KCNH8: variants seen among roughly 807,000 people sequenced by gnomAD.
KCNH8 encodes the protein potassium voltage-gated channel subfamily H member 8, also known as voltage-gated delayed rectifier potassium channel KCNH8.
In KCNH8, 70 loss-of-function variants were observed where a neutral mutation model predicts 103.6. The ratio of observed to expected loss-of-function variants is 0.68; its 90% CI spans 0.56 to 0.82. The LOEUF is 0.82. KCNH8 is among the 40% of genes least tolerant of loss of function. The probability of loss-of-function intolerance (pLI) is 0.00; values close to 1 mark genes in which losing one functional copy is unlikely to be tolerated. For synonymous variants in KCNH8, 498 were observed against 489.4 expected (o/e 1.02, Z -0.23); for missense variants, 1,217 against 1,329.9 (o/e 0.92, Z 1.32).
rs749109753 is a variant in KCNH8, at chr3:19,451,215, A to C, written c.1636A>C (p.Ile546Leu). 1.9e-6 allele frequency: 3 copies of C among 1,613,796 alleles called. No individual in the cohort carries two copies. The highest frequency in any genetic ancestry group is 2.5e-6 in the Non-Finnish European group (3 of 1,179,788). ...CATCACTATGCACTTGAACAAGGAG[A>C]TCTTACAGTTGTCCCTTTTTGAATG... Reference protein sequence around the residue: ...SDITMHLNKEILQLSLFECAS... With the variant: ...SDITMHLNKELLQLSLFECAS... The change falls in exon 10 of 16, where the codon ATC (isoleucine) becomes CTC (leucine). Residue 546 changes from isoleucine to leucine, a missense_variant. This residue lies in a region of KCNH8 where 415 missense variants were observed against 577.4 expected (regional missense o/e 0.72). Coordinates refer to ENST00000328405, the MANE Select transcript of KCNH8 (RefSeq NM_144633.3).
At chr3:19,511,783 AT>A (rs1413187821) in intron 12 of KCNH8, among the ~76,000 whole-genome samples, 1 of 152,180 alleles carries the variant, frequency 6.6e-6, no homozygotes, top group Non-Finnish European at 1.5e-5. Context: ...AGCCAATAAG[AT>A]TAAAGTACAA....
At chr3:19,340,394 ACAT>A (rs2065645300) in intron 3 of KCNH8, among the ~76,000 whole-genome samples, 2 of 148,284 alleles carry the variant, frequency 1.3e-5, no homozygotes, top group South Asian at 4.2e-4. Context: ...GTTTTAGGGT[ACAT>A]GTGCACATTG....
chr3:19,521,725 AATG>A (rs1417902260), intron 15 of KCNH8, among the ~76,000 whole-genome samples: 5 of 152,004 alleles, frequency 3.3e-5, no homozygotes, highest in African/African-American at 9.7e-5. Context: ...ATGGCAGATT[AATG>A]ATATTTCAAA....
intron 1 of KCNH8, among the ~76,000 whole-genome samples, chr3:19,215,582 T>A (rs1404557992): frequency 6.6e-6 from 1 of 152,232 alleles, no homozygotes; most frequent in Non-Finnish European, 1.5e-5. Flanking sequence ...ATGTTTTGAT[T>A]TTGTGGTTTG....
At chr3:19,301,387 A>G (rs555095843) in intron 3 of KCNH8, among the ~76,000 whole-genome samples, 2 of 149,074 alleles carry the variant, frequency 1.3e-5, no homozygotes, top group East Asian at 3.9e-4. Context: ...ATTTATTTAC[A>G]TGAATATAAA....
chr3:19,423,542 T>A (rs1230118109), intron 7 of KCNH8, among the ~76,000 whole-genome samples: 1 of 152,108 alleles, frequency 6.6e-6, no homozygotes, highest in Non-Finnish European at 1.5e-5. Context: ...TTTCCATTCC[T>A]GAGTTACTTC....
chr3:19,368,012 A>G (rs1383125228), intron 5 of KCNH8, among the ~76,000 whole-genome samples: 1 of 152,098 alleles, frequency 6.6e-6, no homozygotes, highest in Non-Finnish European at 1.5e-5. Flanking sequence ...ACTTATGACC[A>G]TACAGAGGAC....
At position 19,513,026 on chromosome 3, in the gene KCNH8, T is replaced by C. The variant is rs1559366119; in HGVS notation, c.2136T>C (p.Asp712=). The change falls in exon 13 of 16, where the codon GAT becomes GAC. Residue 712 remains aspartate (D), a synonymous_variant. Coordinates refer to ENST00000328405, the MANE Select transcript of KCNH8 (RefSeq NM_144633.3). ...INKRLPSIVE[D]EEEEEEGEEE... is the part of the protein sequence containing the mutation. ...AGCGACTCCCATCCATTGTGGAAGA[T>C]GAGGAAGAGGAGGAGGAGGGGGAGG... is the stretch of plus-strand genomic sequence containing the variant. The C allele has an allele frequency of 1.9e-6, 3 of 1,613,494 alleles. No individual in the cohort carries two copies. In the South Asian group the frequency reaches 3.3e-5, roughly 18 times the overall value.
chr3:19,298,046 A>G (rs760620537), intron 3 of KCNH8, among the ~76,000 whole-genome samples: 1 of 152,204 alleles, frequency 6.6e-6, no homozygotes, highest in Non-Finnish European at 1.5e-5. Context: ...TCACCATTGG[A>G]GTCAAAATAT....
At chr3:19,403,549 CAGGTATA>C (rs1291106807) in intron 7 of KCNH8, among the ~76,000 whole-genome samples, 1 of 150,682 alleles carries the variant, frequency 6.6e-6, no homozygotes, top group African/African-American at 2.4e-5. Context: ...ACTACCCATA[CAGGTATA>C]AGGTATAAGG....
Position 19,357,349 on chromosome 3 carries a change from A to G in KCNH8, c.811+9384A>G, listed in dbSNP as rs367885823. Among the ~76,000 whole-genome samples the G allele has an allele frequency of 1.5e-4, 23 of 152,006 alleles. 1 individual carries two copies. The South Asian group carries it at 1.7e-3, about 11-fold the overall frequency. ...ATCATTCAGAGAGATATGGCAAAGA[A>G]AATGTGGATGGCCAAGCAGAAAGCT... On this transcript the variant is annotated intron_variant, in intron 5 of 15. Transcript: ENST00000328405.
intron 5 of KCNH8, among the ~76,000 whole-genome samples, chr3:19,353,280 T>A (rs947549523): frequency 8.0e-4 from 122 of 152,274 alleles, no homozygotes; most frequent in African/African-American, 2.9e-3. Flanking sequence ...ACAGATGGAT[T>A]CACAGCCGAA....
At chr3:19,399,388 A>G (rs977650467) in intron 7 of KCNH8, among the ~76,000 whole-genome samples, 4 of 151,962 alleles carry the variant, frequency 2.6e-5, no homozygotes, top group Non-Finnish European at 4.4e-5. Context: ...TTTAGCTACT[A>G]TCACTTCTAA....
intron 11 of KCNH8, among the ~76,000 whole-genome samples, chr3:19,483,338 T>A (rs1427878083): frequency 1.3e-5 from 2 of 152,154 alleles, no homozygotes; most frequent in Non-Finnish European, 2.9e-5. Context: ...CCAGTGACTG[T>A]TTTCGTGTTA....
At chr3:19,416,022 A>C (rs1402307195) in intron 7 of KCNH8, among the ~76,000 whole-genome samples, 1 of 152,024 alleles carries the variant, frequency 6.6e-6, no homozygotes, top group Non-Finnish European at 1.5e-5. Flanking sequence ...ATTAACTTGC[A>C]GGTTATCTTC....
At chr3:19,436,509 T>C (rs533609129) in intron 7 of KCNH8, among the ~76,000 whole-genome samples, 1 of 152,226 alleles carries the variant, frequency 6.6e-6, no homozygotes, top group Non-Finnish European at 1.5e-5. Flanking sequence ...ATCCTCGGAT[T>C]TGTGGATGTT....
In KCNH8 at chr3:19,454,700, G is replaced by A. The variant is rs193225794; in HGVS notation, c.1826-2068G>A. On this transcript the variant is annotated intron_variant, in intron 10 of 15. Transcript: ENST00000328405. ...TTATGTTTTTTTAAAAACTACTTAC[G>A]GCTGAAAGACTTAATTCATTATCTT... Among the ~76,000 whole-genome samples the A allele has an allele frequency of 3.3e-5, 5 of 151,942 alleles. No individual in the cohort carries two copies. The East Asian group carries it at 9.7e-4, about 29-fold the overall frequency.
intron 1 of KCNH8, among the ~76,000 whole-genome samples, chr3:19,178,997 G>T (rs59107989): frequency 0.041 from 6,274 of 152,090 alleles, 462 homozygotes; most frequent in African/African-American, 0.14. Flanking sequence ...AACCAGAGTG[G>T]GAAATTTGAA....
At chr3:19,184,803 AT>A (rs1295465042) in intron 1 of KCNH8, among the ~76,000 whole-genome samples, 1 of 151,946 alleles carries the variant, frequency 6.6e-6, no homozygotes, top group East Asian at 1.9e-4. Context: ...ATGTGAAATT[AT>A]TTTTTAGTGC....
Sources: gnomAD v4.1 joint callset for allele counts (sites outside exome capture counted in the v4.1 genomes callset) on GRCh38, gnomAD v4.1.1 for gene constraint, gnomAD v4.1.1 regional missense constraint, MANE v1.5 for transcripts, NCBI Gene and HGNC (gene_info 2026-07-23, HGNC 2026-07-21) for gene names.